PTPN13: variants seen among roughly 807,000 people sequenced by gnomAD.
PTPN13 encodes the protein tyrosine-protein phosphatase non-receptor type 13.
PTPN13 carries 191 observed loss-of-function variants against 284.0 expected under a neutral mutation model. The observed-to-expected ratio is 0.67, with a 90% CI of 0.60 to 0.76. The LOEUF (loss-of-function observed/expected upper bound fraction) is 0.76. PTPN13 is among the 30% of genes least tolerant of loss of function. The pLI is 0.00. For missense variants in PTPN13, 2,797 were observed against 2,939.9 expected (o/e 0.95, Z 1.12); for synonymous variants, 986 against 1,022.3 (o/e 0.96, Z 0.68).
intron 7 of PTPN13, among the ~76,000 whole-genome samples, chr4:86,708,212 T>C (rs1469240298): frequency 1.3e-5 from 2 of 152,158 alleles, no homozygotes; most frequent in African/African-American, 2.4e-5. Flanking sequence ...GTCACCATAT[T>C]GGACAGTGCA....
chr4:86,799,141 GA>G lies in PTPN13; in HGVS notation c.6445del (p.Ile2149Ter). The G allele has an allele frequency of 6.3e-7, 1 of 1,594,694 alleles. No homozygotes were observed. Among genetic ancestry groups the G allele is most frequent in the South Asian group, 1.2e-5 (1 of 85,924 alleles). On this transcript the variant is annotated frameshift_variant, in exon 42 of 48. Coordinates refer to ENST00000411767, the MANE Select transcript of PTPN13 (RefSeq NM_080683.3). LOFTEE classifies it high-confidence loss of function. ...KPQEKKTDDD[E>X]ITWGNDELPI... ...ACAAGAAAAGAAGACTGATGATGAT[GA>G]AATAACATGGGGAAATGATGAGTTG...
At chr4:86,703,171 A>T (rs1049046766) in intron 7 of PTPN13, among the ~76,000 whole-genome samples, 2 of 152,158 alleles carry the variant, frequency 1.3e-5, no homozygotes, top group Non-Finnish European at 2.9e-5. Context: ...TTTCAAAAAC[A>T]TTAGCCAACT....
intron 2 of PTPN13, among the ~76,000 whole-genome samples, chr4:86,645,192 AAAAC>A (rs569877633): frequency 1.4e-4 from 22 of 152,256 alleles, no homozygotes; most frequent in Admixed American, 7.2e-4. Flanking sequence ...CCCGTCTCCA[AAAAC>A]AAACAAACAA....
chr4:86,635,248 C>T lies in PTPN13; in HGVS notation c.-5-4C>T. The T allele has an allele frequency of 6.3e-7, 1 of 1,587,912 alleles. No homozygotes were observed. Among genetic ancestry groups the T allele is most frequent in the Non-Finnish European group, 8.6e-7 (1 of 1,166,946 alleles). On this transcript the variant is annotated splice_polypyrimidine_tract_variant and splice_region_variant and intron_variant, in intron 1 of 47. Transcript: ENST00000411767. ...ATAGACCATCTGTTACCTTTGTTTC[C>T]CAGGTAATATGCACGTGTCACTAGC...
chr4:86,793,633 A>G (rs897435310), intron 40 of PTPN13, among the ~76,000 whole-genome samples: 1 of 152,244 alleles, frequency 6.6e-6, no homozygotes, highest in Non-Finnish European at 1.5e-5. Context: ...ATGTAAAAGA[A>G]CAGAAATTAT....
chr4:86,750,522 T>A lies in PTPN13; in HGVS notation c.2703T>A (p.Phe901Leu). ...LNLQAESVRG[F>L]NMGRAISTGS... ...TCCAAGCAGAGTCTGTTAGAGGATT[T>A]AATATGGGACGAGCAATCAGCACTG... The change falls in exon 18 of 48, where the codon TTT becomes TTA. Residue 901 changes from phenylalanine (F) to leucine (L), a missense_variant. Physicochemically the swap from Phe to Leu is conservative, Grantham distance 22 (BLOSUM62 0). Transcript: ENST00000411767. 6.2e-7 allele frequency: 1 copy of A among 1,613,926 alleles called. No homozygotes were observed. Among genetic ancestry groups the A allele is most frequent in the Non-Finnish European group, 8.5e-7 (1 of 1,179,856 alleles).
At chr4:86,608,163 A>T (rs1241992273) in intron 1 of PTPN13, among the ~76,000 whole-genome samples, 2 of 152,050 alleles carry the variant, frequency 1.3e-5, no homozygotes, top group African/African-American at 4.8e-5. Context: ...TTTAATAAAA[A>T]CTTTCATTTA....
At chr4:86,791,269 G>C (rs1742628278) in intron 40 of PTPN13, among the ~76,000 whole-genome samples, 1 of 152,182 alleles carries the variant, frequency 6.6e-6, no homozygotes, top group South Asian at 2.1e-4. Context: ...ATCAACCTGT[G>C]ACACTGCAGC....
intron 26 of PTPN13, 50 bp from the exon 27 acceptor site, chr4:86,766,382 A>T: frequency 7.1e-7 from 1 of 1,408,886 alleles, no homozygotes; most frequent in Non-Finnish European, 9.8e-7. Context: ...CATAAGATTT[A>T]AAAGAACATG....
chr4:86,612,458 G>A (rs1720008191), intron 1 of PTPN13, among the ~76,000 whole-genome samples: 1 of 152,174 alleles, frequency 6.6e-6, no homozygotes, highest in South Asian at 2.1e-4. Flanking sequence ...CTCAACATAT[G>A]AAATTTGAGT....
At chr4:86,665,888 T>G (rs1221861186) in intron 2 of PTPN13, among the ~76,000 whole-genome samples, 1 of 152,176 alleles carries the variant, frequency 6.6e-6, no homozygotes, top group African/African-American at 2.4e-5. Flanking sequence ...TTCTTAGACA[T>G]GTAGTCTACA....
intron 1 of PTPN13, among the ~76,000 whole-genome samples, chr4:86,604,149 C>A (rs76990481): frequency 0.044 from 6,681 of 152,024 alleles, 199 homozygotes; most frequent in African/African-American, 0.052. Flanking sequence ...ATAGAAAGAG[C>A]AAACACATTG....
intron 2 of PTPN13, among the ~76,000 whole-genome samples, chr4:86,645,039 T>C (rs1418200042): frequency 6.6e-6 from 1 of 151,998 alleles, no homozygotes; most frequent in African/African-American, 2.4e-5. Flanking sequence ...TGAAACCTCA[T>C]CTCTACAAAA....
chr4:86,602,350 A>G (rs1764365973), intron 1 of PTPN13, among the ~76,000 whole-genome samples: 1 of 152,150 alleles, frequency 6.6e-6, no homozygotes, highest in Non-Finnish European at 1.5e-5. Context: ...AACCAAGCCT[A>G]CTTTATGGGA....
At chr4:86,691,133 G>A (rs1451554935) in intron 5 of PTPN13, among the ~76,000 whole-genome samples, 1 of 151,932 alleles carries the variant, frequency 6.6e-6, no homozygotes, top group African/African-American at 2.4e-5. Flanking sequence ...AGGCTGAGAT[G>A]GGAGGACTAC....
At chr4:86,729,626 C>G (rs1734715780) in intron 10 of PTPN13, among the ~76,000 whole-genome samples, 1 of 149,612 alleles carries the variant, frequency 6.7e-6, no homozygotes, top group Non-Finnish European at 1.5e-5. Context: ...TCCACTTGAT[C>G]AAATCAGCTA....
chr4:86,693,207 C>T (rs1448219873), intron 5 of PTPN13, among the ~76,000 whole-genome samples: 3 of 150,818 alleles, frequency 2.0e-5, no homozygotes, highest in Non-Finnish European at 4.4e-5. Flanking sequence ...TTTATTATAC[C>T]AAAATTAATG....
chr4:86,748,195 A>G (rs1024809398), intron 17 of PTPN13, among the ~76,000 whole-genome samples: 1 of 152,244 alleles, frequency 6.6e-6, no homozygotes, highest in Admixed American at 6.5e-5. Context: ...GAAGCACAAA[A>G]TGGTACCAGG....
intron 42 of PTPN13, among the ~76,000 whole-genome samples, chr4:86,802,929 C>T (rs1051660056): frequency 4.6e-5 from 7 of 151,686 alleles, no homozygotes; most frequent in African/African-American, 1.7e-4. Flanking sequence ...AAAAAATTAC[C>T]CAGGCGTGGT....
Sources: gnomAD v4.1 joint callset for allele counts (sites outside exome capture counted in the v4.1 genomes callset) on GRCh38, gnomAD v4.1.1 for gene constraint, MANE v1.5 for transcripts, NCBI Gene and HGNC (gene_info 2026-07-23, HGNC 2026-07-21) for gene names.